Variants in ANKRD55 observed in about 807,000 individuals in gnomAD.
The protein encoded by ANKRD55 is ankyrin repeat domain 55, also known as ankyrin repeat domain-containing protein 55.
In ANKRD55, 41 loss-of-function variants were observed where a neutral mutation model predicts 60.6. That is an observed-to-expected ratio of 0.68 (90% CI 0.53 to 0.88). The LOEUF (loss-of-function observed/expected upper bound fraction) is 0.88, where lower values mean the gene tolerates loss of function less well. Among genes scored for constraint, ANKRD55 ranks in the 40% least tolerant of loss-of-function variants. The pLI is 0.00. For synonymous variants in ANKRD55, 264 were observed against 290.3 expected, an observed-to-expected ratio of 0.91 and a Z score of 0.92; for missense variants, 732 against 767.6, an observed-to-expected ratio of 0.95 and a Z score of 0.55.
At chr5:56,116,531 G>A (rs1238440724) in intron 9 of ANKRD55, 84 bp downstream of exon 9, 3 of 1,174,938 alleles carry the variant, frequency 2.6e-6, no homozygotes, top group Non-Finnish European at 3.4e-6. Context: ...TTATTGGTTT[G>A]CACCTTGGCA....
chr5:56,204,034 GA>G (rs1759442974), intron 2 of ANKRD55, among the ~76,000 whole-genome samples: 1 of 152,164 alleles, frequency 6.6e-6, no homozygotes. Context: ...TAACTGGTGT[GA>G]GATGGTATCT....
At chr5:56,131,475 G>T (rs1440882591) in intron 7 of ANKRD55, among the ~76,000 whole-genome samples, 1 of 152,048 alleles carries the variant, frequency 6.6e-6, no homozygotes, top group African/African-American at 2.4e-5. Context: ...ATTTGTTACT[G>T]GTAGACCTGC....
chr5:56,167,170 T>C (rs1758502570), intron 5 of ANKRD55, among the ~76,000 whole-genome samples: 1 of 152,228 alleles, frequency 6.6e-6, no homozygotes, highest in Non-Finnish European at 1.5e-5. Context: ...CTGAGAAATG[T>C]GTCGTTTGGC....
At chr5:56,148,883 G>A (rs1757969878) in intron 6 of ANKRD55, among the ~76,000 whole-genome samples, 1 of 152,086 alleles carries the variant, frequency 6.6e-6, no homozygotes, top group African/African-American at 2.4e-5. Flanking sequence ...GCAGGTGTCT[G>A]CTGGCTGAGA....
intron 2 of ANKRD55, among the ~76,000 whole-genome samples, chr5:56,212,100 A>T (rs1215140598): frequency 5.9e-5 from 9 of 151,806 alleles, no homozygotes; most frequent in Non-Finnish European, 1.3e-4. Flanking sequence ...GCGTACCTAT[A>T]GACCAATTCG....
intron 7 of ANKRD55, among the ~76,000 whole-genome samples, chr5:56,130,702 A>G (rs115526301): frequency 0.016 from 2,496 of 152,350 alleles, 43 homozygotes; most frequent in Admixed American, 0.042. Context: ...TAAAGCAACT[A>G]TGATTAATGT....
intron 5 of ANKRD55, among the ~76,000 whole-genome samples, chr5:56,160,330 C>T (rs1758295393): frequency 6.6e-6 from 1 of 152,228 alleles, no homozygotes; most frequent in South Asian, 2.1e-4. Flanking sequence ...GCTCCGCCTC[C>T]CGGATTAGCA....
intron 10 of ANKRD55, among the ~76,000 whole-genome samples, chr5:56,109,300 A>G (rs780565660): frequency 6.6e-6 from 1 of 152,186 alleles, no homozygotes; most frequent in East Asian, 1.9e-4. Context: ...CTAAGTGGAC[A>G]GTGGTTACTC....
intron 2 of ANKRD55, among the ~76,000 whole-genome samples, chr5:56,211,870 G>C (rs1052363222): frequency 6.6e-6 from 1 of 152,160 alleles, no homozygotes; most frequent in Non-Finnish European, 1.5e-5. Context: ...CTGTACAACA[G>C]GGAGGGAATT....
At chr5:56,183,249 C>T (rs1758888788) in intron 3 of ANKRD55, among the ~76,000 whole-genome samples, 1 of 152,206 alleles carries the variant, frequency 6.6e-6, no homozygotes, top group Non-Finnish European at 1.5e-5. Flanking sequence ...ATTTTCTCAA[C>T]ATCCATTGCT....
rs75942400 is a variant in ANKRD55, at chr5:56,207,577, C to T, written c.59-23943G>A. Among the ~76,000 whole-genome samples the T allele has an allele frequency of 1.7e-3, 257 of 152,322 alleles. 3 individuals carry two copies. The East Asian group carries it at 0.042, about 25-fold the overall frequency. On this transcript the variant is annotated intron_variant, in intron 2 of 11. Transcript: ENST00000341048. ...CATGGTACAGACTATTACTCCTAGG[C>T]TGCCATCCTGTACAGCATGTTACTG...
At chr5:56,192,649 G>A in intron 2 of ANKRD55, 8 of 932,734 alleles carry the variant, frequency 8.6e-6, no homozygotes, top group Non-Finnish European at 1.2e-5. Context: ...TGGGAGAAGA[G>A]GGTGACACCC....
intron 6 of ANKRD55, among the ~76,000 whole-genome samples, chr5:56,153,109 T>A (rs1188727760): frequency 6.6e-6 from 1 of 151,902 alleles, no homozygotes; most frequent in Non-Finnish European, 1.5e-5. Context: ...ACCCAATGGA[T>A]CAATCGACAA....
chr5:56,110,233 C>CAA (rs11445540), intron 10 of ANKRD55, among the ~76,000 whole-genome samples: 1,639 of 113,870 alleles, frequency 0.014, 44 homozygotes, highest in African/African-American at 0.049. Flanking sequence ...TCCATCTCTA[C>CAA]AAAAAAAAAA....
chr5:56,187,880 C>T (rs933135403), intron 2 of ANKRD55, among the ~76,000 whole-genome samples: 5 of 150,362 alleles, frequency 3.3e-5, no homozygotes, highest in East Asian at 1.9e-4. Context: ...GGAAGCCCCC[C>T]GCCACCATCT....
Position 56,100,315 on chromosome 5 carries a change from A to G in ANKRD55, c.1724-11T>C, listed in dbSNP as rs1365079005. On this transcript the variant is annotated splice_polypyrimidine_tract_variant and intron_variant, in intron 11 of 11. Transcript: ENST00000341048. ...GTTCTCCAGATAGAACTGGGAAGAAAGAATAGAACAAGAGACTTTCAAGAT... is the reference window on the plus strand; with the variant it reads ...GTTCTCCAGATAGAACTGGGAAGAAGGAATAGAACAAGAGACTTTCAAGAT... The G allele has an allele frequency of 6.2e-7, 1 of 1,614,022 alleles. No individual in the cohort carries two copies. Among genetic ancestry groups the G allele is most frequent in the Non-Finnish European group, 8.5e-7 (1 of 1,180,000 alleles).
At chr5:56,130,582 C>A (rs187910042) in intron 7 of ANKRD55, among the ~76,000 whole-genome samples, 1 of 152,262 alleles carries the variant, frequency 6.6e-6, no homozygotes, top group East Asian at 1.9e-4. Context: ...TCATGTCTGG[C>A]TATCGAGAAA....
chr5:56,132,157 G>A (rs139019173), intron 7 of ANKRD55, among the ~76,000 whole-genome samples: 118 of 152,026 alleles, frequency 7.8e-4, no homozygotes, highest in African/African-American at 2.7e-3. Context: ...GTGGTATAGT[G>A]TTATTTTGAA....
chr5:56,131,688 C>A (rs1195977007), intron 7 of ANKRD55, among the ~76,000 whole-genome samples: 1 of 146,510 alleles, frequency 6.8e-6, no homozygotes, highest in Non-Finnish European at 1.5e-5. Flanking sequence ...CCCAGCTACT[C>A]GGAAGGCTGA....
Sources: gnomAD v4.1 joint callset for allele counts (sites outside exome capture counted in the v4.1 genomes callset) on GRCh38, gnomAD v4.1.1 for gene constraint, MANE v1.5 for transcripts, NCBI Gene and HGNC (gene_info 2026-07-23, HGNC 2026-07-21) for gene names.